Variants in BAZ1A observed in about 807,000 individuals in gnomAD.
BAZ1A encodes bromodomain adjacent to zinc finger domain 1A.
A neutral mutation model predicts 185.2 loss-of-function variants in BAZ1A; 50 were observed. The observed-to-expected ratio is 0.27, with a 90% confidence interval of 0.22 to 0.34. The LOEUF (loss-of-function observed/expected upper bound fraction) is 0.34, where lower values mean the gene tolerates loss of function less well. Among genes scored for constraint, BAZ1A ranks in the 10% least tolerant of loss-of-function variants. The pLI, the probability that BAZ1A is intolerant of heterozygous loss-of-function variation, is 1.00. For missense variants in BAZ1A, 1,356 were observed against 1,839.9 expected (o/e 0.74, Z 4.81); for synonymous variants, 571 against 615.6 (o/e 0.93, Z 1.07).
intron 21 of BAZ1A, among the ~76,000 whole-genome samples, chr14:34,769,212 T>C (rs1879050229): frequency 6.6e-6 from 1 of 152,172 alleles, no homozygotes; most frequent in Admixed American, 6.5e-5. Context: ...GATTGCTTTA[T>C]TTCAGATAGC....
chr14:34,866,497 A>AC, intron 2 of BAZ1A, among the ~76,000 whole-genome samples: 1 of 144,786 alleles, frequency 6.9e-6, no homozygotes, highest in Non-Finnish European at 1.5e-5. Context: ...CAAAAAAAAA[A>AC]AAAAAGAAAA....
chr14:34,773,193 C>T (rs1433225284), intron 20 of BAZ1A, among the ~76,000 whole-genome samples: 6 of 152,118 alleles, frequency 3.9e-5, no homozygotes, highest in African/African-American at 7.2e-5. Context: ...TACAGGCCCA[C>T]GCCATCTTGC....
chr14:34,753,876 G>T (rs538184529), intron 26 of BAZ1A, among the ~76,000 whole-genome samples, 172 bp from the exon 27 acceptor site: 1 of 152,098 alleles, frequency 6.6e-6, no homozygotes, highest in East Asian at 1.9e-4. Context: ...CTCAGCACTT[G>T]GGAGGCTGAG....
intron 6 of BAZ1A, among the ~76,000 whole-genome samples, chr14:34,806,881 C>T (rs1477693870): frequency 1.3e-5 from 2 of 151,638 alleles, no homozygotes; most frequent in African/African-American, 4.9e-5. Context: ...TCCTAAGTAG[C>T]TGGGACTACA....
At chr14:34,772,198 C>T (rs1385789938) in intron 20 of BAZ1A, among the ~76,000 whole-genome samples, 1 of 152,082 alleles carries the variant, frequency 6.6e-6, no homozygotes, top group Non-Finnish European at 1.5e-5. Context: ...TCATGATTCA[C>T]CTGTCTCAGC....
rs370842959 is a variant in BAZ1A, at chr14:34,810,991, C to T, written c.582G>A (p.Val194=). Residue 194 remains valine, a synonymous_variant, in exon 5 of 27, where the codon GTG becomes GTA. Coordinates refer to ENST00000360310, the MANE Select transcript of BAZ1A (RefSeq NM_013448.3). ...CATGTAATTCTTTTTTAGTGGGTTG[C>T]ACTTTATACTTGAATAGTAAGGGAT... The part of the protein sequence containing the change: ...AIDPLLFKYK[V]QPTKKELHES... 152 of 1,610,038 alleles carry T rather than the reference C, an allele frequency of 9.4e-5. No individual in the cohort carries two copies. The highest frequency in any genetic ancestry group is 1.2e-4 in the Non-Finnish European group (146 of 1,177,726).
chr14:34,804,765 G>A (rs1881764071), intron 6 of BAZ1A, among the ~76,000 whole-genome samples: 1 of 152,084 alleles, frequency 6.6e-6, no homozygotes, highest in South Asian at 2.1e-4. Context: ...CACTCATAAA[G>A]GCCAAAATAC....
chr14:34,845,859 C>CAAAAAAA (rs3062591), intron 3 of BAZ1A, among the ~76,000 whole-genome samples: 5 of 115,214 alleles, frequency 4.3e-5, no homozygotes, highest in African/African-American at 1.7e-4. Context: ...GACTCTGTCT[C>CAAAAAAA]AAAAAAAAAA....
chr14:34,814,482 T>G (rs898790504), intron 4 of BAZ1A, among the ~76,000 whole-genome samples: 1 of 152,026 alleles, frequency 6.6e-6, no homozygotes, highest in African/African-American at 2.4e-5. Flanking sequence ...GGACCTTTTT[T>G]GGGGGAGACA....
At chr14:34,832,215 C>CACACACAT in intron 3 of BAZ1A, among the ~76,000 whole-genome samples, 1 of 89,666 alleles carries the variant, frequency 1.1e-5, no homozygotes, top group African/African-American at 3.7e-5. Flanking sequence ...CACACACACA[C>CACACACAT]ATATATATAT....
chr14:34,800,354 T>A lies in BAZ1A; in HGVS notation c.998A>T (p.Asp333Val), dbSNP rs1881444366. 6 of 1,548,996 alleles carry A rather than the reference T, an allele frequency of 3.9e-6. No individual in the cohort carries two copies. The highest frequency in any genetic ancestry group is 4.3e-6 in the Non-Finnish European group (5 of 1,154,264). The change falls in exon 9 of 27, where the codon GAT (aspartate) becomes GTT (valine). Residue 333 changes from aspartate (D) to valine (V), a missense_variant. Transcript: ENST00000360310. ...EKAKLKREKA[D>V]ALEAKKKEKE... ...TTCTTTTTTCTTCGCTTCTAGGGCA[T>A]CTGCTTTTTCTCTTTTTAATTTAGC...
At chr14:34,860,122 T>C (rs962970902) in intron 3 of BAZ1A, among the ~76,000 whole-genome samples, 1 of 152,212 alleles carries the variant, frequency 6.6e-6, no homozygotes, top group African/African-American at 2.4e-5. Flanking sequence ...AAGAGTTCCA[T>C]AGTTTTTTTG....
chr14:34,821,271 T>C (rs1433561250), intron 4 of BAZ1A, among the ~76,000 whole-genome samples: 1 of 152,226 alleles, frequency 6.6e-6, no homozygotes, highest in Non-Finnish European at 1.5e-5. Context: ...TACTAAGTGA[T>C]ATAAGGATAT....
At chr14:34,789,370 T>C (rs575429188) in intron 12 of BAZ1A, among the ~76,000 whole-genome samples, 1 of 152,362 alleles carries the variant, frequency 6.6e-6, no homozygotes, top group South Asian at 2.1e-4. Flanking sequence ...AGTAATATGC[T>C]AAAATATATT....
At chr14:34,841,090 A>G (rs1304007171) in intron 3 of BAZ1A, among the ~76,000 whole-genome samples, 1 of 151,998 alleles carries the variant, frequency 6.6e-6, no homozygotes, top group Non-Finnish European at 1.5e-5. Flanking sequence ...GTGGGATTAT[A>G]GGCACCCGCC....
rs1475270931 is a variant in BAZ1A at position 34,774,206 on chromosome 14, TATC to T, written c.2997+118_2997+120del. 20 of 728,930 alleles carry T rather than the reference TATC, an allele frequency of 2.7e-5. No individual in the cohort carries two copies. The South Asian group carries it at 4.5e-4, about 16-fold the overall frequency. 45.2% of individuals were successfully genotyped at this position (728,930 alleles called of 1,614,324 possible). A position where few individuals can be genotyped will look rare whatever the true frequency, so the allele number is the denominator to read the frequency against. ...TAAACTTAAGTTTTCATAAAAAATT[TATC>T]ATTCTCTGGTGTTTATTCAAAACAC... is the stretch of plus-strand genomic sequence containing the variant. On this transcript the variant is annotated intron_variant, in intron 19 of 26. Coordinates refer to ENST00000360310, the MANE Select transcript of BAZ1A (RefSeq NM_013448.3).
Position 34,836,503 on chromosome 14 carries a change from T to TCTAGA in BAZ1A, c.393-10352_393-10348dup, listed in dbSNP as rs1280463259. The stretch of plus-strand genomic sequence containing the variant: ...TAGTTAACAGCAAAGGGAAAGAAGA[T>TCTAGA]CTAGAAGCCTGGGAAGACCTACTTG... On this transcript the variant is annotated intron_variant, in intron 3 of 26. Coordinates refer to ENST00000360310, the MANE Select transcript of BAZ1A (RefSeq NM_013448.3). 3.3e-5 allele frequency among the ~76,000 whole-genome samples: 5 copies of TCTAGA among 149,958 alleles called. No homozygotes were observed. In the South Asian group the frequency reaches 1.0e-3, roughly 31 times the overall value.
At chr14:34,846,784 T>C (rs957287856) in intron 3 of BAZ1A, among the ~76,000 whole-genome samples, 16 of 152,116 alleles carry the variant, frequency 1.1e-4, no homozygotes, top group African/African-American at 3.4e-4. Context: ...CCTAACGATA[T>C]GTACCTAAAA....
At chr14:34,866,570 CAT>C (rs1469100869) in intron 2 of BAZ1A, among the ~76,000 whole-genome samples, 3 of 146,350 alleles carry the variant, frequency 2.0e-5, no homozygotes, top group Admixed American at 1.4e-4. Flanking sequence ...CAAACCAGTA[CAT>C]AGTTAGCACA....
Sources: gnomAD v4.1 joint callset for allele counts (sites outside exome capture counted in the v4.1 genomes callset) on GRCh38, gnomAD v4.1.1 for gene constraint, MANE v1.5 for transcripts, NCBI Gene and HGNC (gene_info 2026-07-23, HGNC 2026-07-21) for gene names.